The following TMEM131 variants were observed in gnomAD, a reference collection of about 807,000 sequenced individuals.
TMEM131 encodes the protein transmembrane protein 131, also known as 2610524E03Rik.
Under a neutral mutation model 211.6 loss-of-function variants are expected in TMEM131, and 66 were observed. The ratio of observed to expected loss-of-function variants is 0.31; its 90% confidence interval spans 0.26 to 0.38. The LOEUF is 0.38. Ranked by LOEUF, TMEM131 falls within the 10% of genes least tolerant of loss-of-function variation. The pLI, the probability that TMEM131 is intolerant of heterozygous loss-of-function variation, is 1.00. For missense variants in TMEM131, 2,036 were observed against 2,299.3 expected (o/e 0.89, Z 2.34); for synonymous variants, 844 against 841.3 (o/e 1.00, Z -0.06).
chr2:97,948,591 A>G (rs1445111117), intron 1 of TMEM131, among the ~76,000 whole-genome samples: 2 of 152,228 alleles, frequency 1.3e-5, no homozygotes, highest in Admixed American at 6.5e-5. Flanking sequence ...GTGGAACTGT[A>G]ATACCCTGCT....
intron 1 of TMEM131, among the ~76,000 whole-genome samples, chr2:97,994,525 A>G (rs183397901): frequency 4.3e-4 from 66 of 152,330 alleles, no homozygotes; most frequent in Non-Finnish European, 8.7e-4. Context: ...CTCTAAAATT[A>G]CCGTGGCAAG....
chr2:97,993,390 T>C (rs1188139653), intron 1 of TMEM131, among the ~76,000 whole-genome samples: 1 of 152,320 alleles, frequency 6.6e-6, no homozygotes, highest in East Asian at 1.9e-4. Context: ...GATGCCAGAC[T>C]CACAGTGTCA....
chr2:97,939,402 T>C (rs775511471), intron 1 of TMEM131, among the ~76,000 whole-genome samples: 6 of 152,148 alleles, frequency 3.9e-5, no homozygotes, highest in Non-Finnish European at 8.8e-5. Flanking sequence ...AACACCTCTA[T>C]GCAAATAAAC....
rs1430628890 is a variant in TMEM131, at chr2:97,917,519, C to G, written c.250-8821G>C. Among the ~76,000 whole-genome samples, 3 of 152,284 alleles carry G rather than the reference C, an allele frequency of 2.0e-5. No individual in the cohort carries two copies. In the East Asian group the frequency reaches 5.8e-4, roughly 29 times the overall value. ...TCTGCATTAGTCTGTTCTCACACTG[C>G]TAATAAAGACATACCCAAGACTGGG... On this transcript the variant is annotated intron_variant, in intron 2 of 40. Transcript: ENST00000186436.
At chr2:97,971,105 A>C (rs1440817658) in intron 1 of TMEM131, among the ~76,000 whole-genome samples, 1 of 152,248 alleles carries the variant, frequency 6.6e-6, no homozygotes, top group Non-Finnish European at 1.5e-5. Flanking sequence ...ATATGAAGAC[A>C]GTTATGGAAG....
intron 7 of TMEM131, among the ~76,000 whole-genome samples, chr2:97,837,554 G>C (rs1682994851): frequency 6.6e-6 from 1 of 152,112 alleles, no homozygotes; most frequent in Non-Finnish European, 1.5e-5. Context: ...TTTATAACAA[G>C]AGCCAGCAGT....
At chr2:97,829,790 C>A (rs981937038) in intron 11 of TMEM131, among the ~76,000 whole-genome samples, 17 of 152,188 alleles carry the variant, frequency 1.1e-4, no homozygotes, top group Non-Finnish European at 1.8e-4. Flanking sequence ...ACTCTGGACA[C>A]ACAATGAAGG....
At chr2:97,942,880 A>C (rs1026962226) in intron 1 of TMEM131, among the ~76,000 whole-genome samples, 4 of 151,598 alleles carry the variant, frequency 2.6e-5, no homozygotes, top group African/African-American at 9.7e-5. Flanking sequence ...CCAGCACTTT[A>C]GGAGGCTGAG....
rs781041152 is a variant in TMEM131, at chr2:97,795,266, AT to A, written c.3201-152del. The stretch of plus-strand genomic sequence containing the variant: ...TTCCGTATTTTAAGATGAAAAAAGT[AT>A]TGTCCCATGGTCAGTAATAGGAACA... On this transcript the variant is annotated intron_variant, in intron 28 of 40. Transcript: ENST00000186436. 1.2e-3 allele frequency among the ~76,000 whole-genome samples: 184 copies of A among 152,360 alleles called. 1 individual carries two copies. The highest frequency in any genetic ancestry group is 1.7e-3 in the South Asian group (8 of 4,830).
chr2:97,778,286 C>T (rs1041045966), intron 31 of TMEM131, among the ~76,000 whole-genome samples: 6 of 152,226 alleles, frequency 3.9e-5, no homozygotes, highest in African/African-American at 1.2e-4. Flanking sequence ...TAATTCGGCT[C>T]AGGCCTGTAA....
Position 97,762,037 on chromosome 2 carries a change from G to C in TMEM131, c.4887C>G (p.Ser1629Arg). ...SYSSIVNSSS[S>R]SDPKIKQPNG... Reference sequence around the variant, plus strand: ...CGGAAAGGAAGCAGCAGGCCTACCTGCTGGAGCTGCTGTTGACGATGCTGC... The same window carrying C: ...CGGAAAGGAAGCAGCAGGCCTACCTCCTGGAGCTGCTGTTGACGATGCTGC... Residue 1629 changes from serine to arginine, a missense_variant and splice_region_variant, in exon 36 of 41, where the codon AGC (serine) becomes AGG (arginine). By Grantham distance (110) the Ser-to-Arg change is moderately radical. Coordinates refer to ENST00000186436, the MANE Select transcript of TMEM131 (RefSeq NM_015348.2). 1 of 1,561,210 alleles carries C rather than the reference G, an allele frequency of 6.4e-7. No individual in the cohort carries two copies. The highest frequency in any genetic ancestry group is 8.6e-7 in the Non-Finnish European group (1 of 1,159,960).
intron 1 of TMEM131, among the ~76,000 whole-genome samples, chr2:97,949,687 G>GC (rs1232125099): frequency 2.0e-5 from 3 of 151,664 alleles, no homozygotes; most frequent in Admixed American, 6.6e-5. Context: ...GGGCGTGGTG[G>GC]CGGGCACCTG....
intron 4 of TMEM131, among the ~76,000 whole-genome samples, chr2:97,867,716 A>G (rs1191968756): frequency 6.6e-6 from 1 of 152,206 alleles, no homozygotes; most frequent in East Asian, 1.9e-4. Context: ...TGTGCCTGAA[A>G]TAGAACTTCT....
chr2:97,794,155 C>T (rs1383149015), intron 29 of TMEM131, among the ~76,000 whole-genome samples: 3 of 151,860 alleles, frequency 2.0e-5, no homozygotes, highest in Non-Finnish European at 4.4e-5. Context: ...CAACCTCAGC[C>T]TCCCCAGTAG....
rs980273126 is a variant in TMEM131 at position 97,845,842 on chromosome 2, T to G, written c.484-1581A>C. On this transcript the variant is annotated intron_variant, in intron 5 of 40. Transcript: ENST00000186436. ...GATAAAACTCTACAGAGAGTGACTG[T>G]GATAAAAAGGGAGAAGTCAAAAATA... is the stretch of plus-strand genomic sequence containing the variant. Among the ~76,000 whole-genome samples the G allele has an allele frequency of 1.3e-3, 194 of 149,910 alleles. 1 individual carries two copies. Among genetic ancestry groups the G allele is most frequent in the South Asian group, 1.5e-3 (7 of 4,774 alleles).
chr2:97,828,130 G>T (rs1274917448), intron 11 of TMEM131, among the ~76,000 whole-genome samples: 2 of 152,152 alleles, frequency 1.3e-5, no homozygotes, highest in Non-Finnish European at 2.9e-5. Flanking sequence ...TTGTGAACTG[G>T]TGGGCTGTAT....
rs540844495 is a variant in TMEM131, at chr2:97,822,581, G to T, written c.1075-3860C>A. On this transcript the variant is annotated intron_variant, in intron 11 of 40. Transcript: ENST00000186436. ...AGGGCCACTAAATCTGATTTTTCTT[G>T]GTCCTCTTTGTGGTATAGGAGGACA... Among the ~76,000 whole-genome samples the T allele has an allele frequency of 3.3e-5, 5 of 152,208 alleles. No individual in the cohort carries two copies. In the South Asian group the frequency reaches 1.0e-3, roughly 32 times the overall value.
chr2:97,958,058 G>T (rs1031499481), intron 1 of TMEM131, among the ~76,000 whole-genome samples: 8 of 152,140 alleles, frequency 5.3e-5, no homozygotes. Context: ...GTTAAGGTAG[G>T]GCATTCCTAC....
At chr2:97,771,165 C>G (rs1482712533) in intron 33 of TMEM131, among the ~76,000 whole-genome samples, 1 of 152,156 alleles carries the variant, frequency 6.6e-6, no homozygotes, top group Non-Finnish European at 1.5e-5. Context: ...CTGCTCTCAA[C>G]AAATTGTGGG....
Sources: gnomAD v4.1 joint callset for allele counts (sites outside exome capture counted in the v4.1 genomes callset) on GRCh38, gnomAD v4.1.1 for gene constraint, MANE v1.5 for transcripts, NCBI Gene and HGNC (gene_info 2026-07-23, HGNC 2026-07-21) for gene names.